Variants in TCF20 observed in about 807,000 individuals in gnomAD.
TCF20 encodes the protein SPRE-binding protein.
Under a neutral mutation model 148.6 loss-of-function variants are expected in TCF20, and 3 were observed. The ratio of observed to expected loss-of-function variants is 0.02; its 90% CI spans 0.01 to 0.05. TCF20 has a LOEUF of 0.05. Among genes scored for constraint, TCF20 ranks in the 10% least tolerant of loss-of-function variants. TCF20 has a pLI of 1.00. For missense variants in TCF20, 2,350 were observed against 2,429.3 expected, an observed-to-expected ratio of 0.97 and a Z score of 0.69; for synonymous variants, 1,049 against 909.5, an observed-to-expected ratio of 1.15 and a Z score of -2.76.
At chr22:42,325,534 C>G (rs1927859714) in intron 1 of TCF20, among the ~76,000 whole-genome samples, 1 of 152,212 alleles carries the variant, frequency 6.6e-6, no homozygotes, top group African/African-American at 2.4e-5. Flanking sequence ...GTCACACCAG[C>G]TCGGGGGGAG....
intron 1 of TCF20, among the ~76,000 whole-genome samples, chr22:42,256,647 GAAAAACAAAAAACA>G (rs547742627): frequency 2.0e-5 from 3 of 151,354 alleles, no homozygotes; most frequent in South Asian, 4.2e-4. Context: ...ACATCTACTA[GAAAAACAAAAAACA>G]AAAAACAAAA....
intron 1 of TCF20, among the ~76,000 whole-genome samples, chr22:42,304,554 C>A (rs57549588): frequency 0.024 from 3,626 of 152,276 alleles, 142 homozygotes; most frequent in African/African-American, 0.083. Context: ...GCGCAGAGAT[C>A]CCCTTGCCTG....
chr22:42,333,978 C>A (rs2147060151), intron 1 of TCF20, among the ~76,000 whole-genome samples: 1 of 152,360 alleles, frequency 6.6e-6, no homozygotes, highest in Non-Finnish European at 1.5e-5. Context: ...CCTGTGGGAA[C>A]AGGCTCACAA....
chr22:42,169,724 C>T (rs1272357492), intron 4 of TCF20, 123 bp downstream of exon 4: 7 of 978,592 alleles, frequency 7.2e-6, no homozygotes, highest in Non-Finnish European at 1.1e-5. Flanking sequence ...AGGGGACTAA[C>T]AGCCGGAGGC....
Position 42,213,765 on chromosome 22 carries a change from G to C in TCF20, c.1541C>G (p.Pro514Arg). 1 of 1,614,142 alleles carries C rather than the reference G, an allele frequency of 6.2e-7. No homozygotes were observed. Among genetic ancestry groups the C allele is most frequent in the Non-Finnish European group, 8.5e-7 (1 of 1,180,032 alleles). ...GCCTCCATCTAATGACTCTGCCATA[G>C]GGGACTTCAGCTGTTCTTCAGGTTG... Reference protein sequence around the residue: ...SSQPEEQLKSPMAESLDGGCS... With the variant: ...SSQPEEQLKSRMAESLDGGCS... Residue 514 changes from proline (P) to arginine (R), a missense_variant, in exon 2 of 6, where the codon CCT becomes CGT. Transcript: ENST00000677622.
chr22:42,325,749 G>A (rs1927863646), intron 1 of TCF20, among the ~76,000 whole-genome samples: 4 of 152,170 alleles, frequency 2.6e-5, no homozygotes, highest in African/African-American at 9.7e-5. Flanking sequence ...TGCCAGAGCT[G>A]GGAAGTGGAG....
At chr22:42,229,470 T>A (rs1923203352) in intron 1 of TCF20, among the ~76,000 whole-genome samples, 1 of 152,178 alleles carries the variant, frequency 6.6e-6, no homozygotes, top group Admixed American at 6.5e-5. Context: ...CTGGGCTGTT[T>A]ACTAGACCTG....
At chr22:42,201,543 G>A (rs1039152690) in intron 2 of TCF20, among the ~76,000 whole-genome samples, 5 of 152,104 alleles carry the variant, frequency 3.3e-5, no homozygotes, top group African/African-American at 9.7e-5. Flanking sequence ...TGAGGCAGAC[G>A]GATCAGTTGA....
chr22:42,342,631 C>A (rs1338902990), intron 1 of TCF20, among the ~76,000 whole-genome samples: 15 of 152,214 alleles, frequency 9.9e-5, no homozygotes, highest in Non-Finnish European at 2.9e-5. Context: ...GCAGCCCCAC[C>A]ATGCTGGACA....
At chr22:42,178,585 C>CTTT (rs71184870) in intron 3 of TCF20, among the ~76,000 whole-genome samples, 33 of 78,414 alleles carry the variant, frequency 4.2e-4, no homozygotes, top group East Asian at 6.2e-4. Context: ...ACAAATAATT[C>CTTT]TTTTTTTTTT....
chr22:42,197,787 A>T (rs1937679537), intron 2 of TCF20, among the ~76,000 whole-genome samples: 1 of 152,256 alleles, frequency 6.6e-6, no homozygotes, highest in Admixed American at 6.5e-5. Context: ...CAATTAATGG[A>T]CATTAAACAC....
At chr22:42,218,356 T>TC (rs1569158363) in intron 1 of TCF20, among the ~76,000 whole-genome samples, 2 of 152,002 alleles carry the variant, frequency 1.3e-5, no homozygotes. Context: ...GCCACCCTCT[T>TC]ATAAGGACCT....
intron 1 of TCF20, among the ~76,000 whole-genome samples, chr22:42,307,386 C>T (rs1927454895): frequency 6.6e-6 from 1 of 152,202 alleles, no homozygotes; most frequent in Non-Finnish European, 1.5e-5. Flanking sequence ...ACTTTGGAGC[C>T]ACTGCTCTGA....
chr22:42,327,238 G>A (rs1457467230), intron 1 of TCF20, among the ~76,000 whole-genome samples: 9 of 152,228 alleles, frequency 5.9e-5, no homozygotes, highest in Non-Finnish European at 1.0e-4. Context: ...CAGGAGCTAA[G>A]AATGGTGCTA....
Position 42,212,657 on chromosome 22 carries a change from G to C in TCF20, c.2649C>G (p.His883Gln), listed in dbSNP as rs757214475. ...TGTCGGCACTCATGTGTCCCAGTGA[G>C]TGAGCCCCTGGGTCCCTGACAATCT... ...LRQIVRDPGA[H>Q]SLGHMSADTR... Residue 883 changes from histidine (H) to glutamine (Q), a missense_variant, in exon 2 of 6, where the codon CAC (histidine) becomes CAG (glutamine). His to Gln is a conservative substitution (Grantham distance 24, BLOSUM62 0). This residue lies in a region of TCF20 where 1,641 missense variants were observed against 1,662.6 expected (regional missense o/e 0.99). Coordinates refer to ENST00000677622, the MANE Select transcript of TCF20 (RefSeq NM_001378418.1). 1.9e-6 allele frequency: 3 copies of C among 1,614,208 alleles called. No individual in the cohort carries two copies. The Admixed American group carries it at 5.0e-5, about 27-fold the overall frequency.
chr22:42,246,041 G>T (rs113631412), intron 1 of TCF20, among the ~76,000 whole-genome samples: 1 of 152,118 alleles, frequency 6.6e-6, no homozygotes, highest in African/African-American at 2.4e-5. Context: ...CTTCTCAGTC[G>T]TTTCCCCATT....
chr22:42,255,574 G>C (rs1439291012), intron 1 of TCF20, among the ~76,000 whole-genome samples: 1 of 152,058 alleles, frequency 6.6e-6, no homozygotes, highest in Non-Finnish European at 1.5e-5. Flanking sequence ...AATAAAATAT[G>C]CTTGCCGACC....
chr22:42,177,244 G>A (rs775015559), intron 3 of TCF20, among the ~76,000 whole-genome samples: 14 of 152,138 alleles, frequency 9.2e-5, no homozygotes, highest in South Asian at 2.1e-4. Flanking sequence ...GCAAAACCCC[G>A]TCTCTACTAA....
At chr22:42,246,857 T>G (rs1293066203) in intron 1 of TCF20, among the ~76,000 whole-genome samples, 1 of 151,094 alleles carries the variant, frequency 6.6e-6, no homozygotes, top group Non-Finnish European at 1.5e-5. Flanking sequence ...TCCCAGCTAC[T>G]TGGGAGGCTG....
Sources: gnomAD v4.1 joint callset for allele counts (sites outside exome capture counted in the v4.1 genomes callset) on GRCh38, gnomAD v4.1.1 for gene constraint, gnomAD v4.1.1 regional missense constraint, MANE v1.5 for transcripts, NCBI Gene and HGNC (gene_info 2026-07-23, HGNC 2026-07-21) for gene names.